The following SLC35F4 variants were observed in gnomAD, a reference collection of about 807,000 sequenced individuals.
SLC35F4 encodes the protein solute carrier family 35 member F4.
SLC35F4 carries 24 observed loss-of-function variants against 44.2 expected under a neutral mutation model. That is an observed-to-expected ratio of 0.54 (90% CI 0.39 to 0.76). SLC35F4 has a LOEUF of 0.76. Among genes scored for constraint, SLC35F4 ranks in the 30% least tolerant of loss-of-function variants. SLC35F4 has a pLI of 0.00. For missense variants in SLC35F4, 562 were observed against 586.1 expected, an observed-to-expected ratio of 0.96 and a Z score of 0.42; for synonymous variants, 238 against 223.6, an observed-to-expected ratio of 1.06 and a Z score of -0.57.
chr14:57,713,673 G>A (rs752482894), intron 1 of SLC35F4, among the ~76,000 whole-genome samples: 2 of 152,164 alleles, frequency 1.3e-5, no homozygotes, highest in Non-Finnish European at 2.9e-5. Flanking sequence ...GAAGGGTAAG[G>A]AGGTTTTCTT....
chr14:57,642,388 A>T (rs2073289285), intron 1 of SLC35F4, among the ~76,000 whole-genome samples: 1 of 152,162 alleles, frequency 6.6e-6, no homozygotes, highest in Non-Finnish European at 1.5e-5. Context: ...TTTCCACAAC[A>T]TTATAGTTAT....
At chr14:57,593,904 A>C in intron 2 of SLC35F4, 35 bp downstream of exon 2, 2 of 1,605,520 alleles carry the variant, frequency 1.2e-6, no homozygotes, top group Non-Finnish European at 1.7e-6. Context: ...GCTTACTAGG[A>C]TGTACCGTTA....
At chr14:57,763,428 T>C (rs1330313027) in intron 1 of SLC35F4, among the ~76,000 whole-genome samples, 1 of 152,158 alleles carries the variant, frequency 6.6e-6, no homozygotes, top group African/African-American at 2.4e-5. Flanking sequence ...GGCATAATAA[T>C]ACAGTGTTTA....
intron 1 of SLC35F4, among the ~76,000 whole-genome samples, chr14:57,761,459 T>A (rs1269269302): frequency 6.6e-6 from 1 of 152,184 alleles, no homozygotes; most frequent in African/African-American, 2.4e-5. Context: ...AAAGTCTACA[T>A]AATGAAGACT....
At chr14:57,857,437 T>C (rs564750094) in intron 1 of SLC35F4, among the ~76,000 whole-genome samples, 12 of 152,086 alleles carry the variant, frequency 7.9e-5, no homozygotes, top group Non-Finnish European at 1.6e-4. Flanking sequence ...GATTCATTCA[T>C]TGCTGGTATT....
chr14:57,588,048 T>C (rs2069893087), intron 3 of SLC35F4, among the ~76,000 whole-genome samples: 1 of 132,314 alleles, frequency 7.6e-6, no homozygotes, highest in Non-Finnish European at 1.7e-5. Context: ...TAGCCAGGCA[T>C]GGTGGCGGGC....
At chr14:57,920,450 G>T (rs1234363689) in intron 1 of SLC35F4, among the ~76,000 whole-genome samples, 1 of 152,146 alleles carries the variant, frequency 6.6e-6, no homozygotes, top group Non-Finnish European at 1.5e-5. Flanking sequence ...ACATGCCCCT[G>T]TAGTCCTAGC....
intron 1 of SLC35F4, among the ~76,000 whole-genome samples, chr14:57,628,077 A>G (rs1362833131): frequency 6.6e-6 from 1 of 152,094 alleles, no homozygotes; most frequent in Non-Finnish European, 1.5e-5. Context: ...CTTTCTTTAT[A>G]TCATTTCCTT....
At chr14:57,742,881 C>T (rs550490599) in intron 1 of SLC35F4, among the ~76,000 whole-genome samples, 1 of 152,314 alleles carries the variant, frequency 6.6e-6, no homozygotes, top group South Asian at 2.1e-4. Flanking sequence ...GTCTCTCAGA[C>T]CACAGTGCAA....
intron 1 of SLC35F4, among the ~76,000 whole-genome samples, chr14:57,683,740 C>T (rs1047273627): frequency 2.6e-5 from 4 of 152,190 alleles, no homozygotes; most frequent in African/African-American, 7.2e-5. Flanking sequence ...AGCCTAAATA[C>T]TTGATTCAGC....
At chr14:57,909,872 T>C (rs1039196618) in intron 1 of SLC35F4, among the ~76,000 whole-genome samples, 3 of 152,136 alleles carry the variant, frequency 2.0e-5, no homozygotes, top group Non-Finnish European at 4.4e-5. Context: ...TAAGAGTATT[T>C]TTAATTTTGT....
chr14:57,825,403 CT>C (rs2140921319), intron 1 of SLC35F4, among the ~76,000 whole-genome samples: 1 of 152,142 alleles, frequency 6.6e-6, no homozygotes, highest in South Asian at 2.1e-4. Flanking sequence ...AACAGGATAC[CT>C]TGAGTCTGTT....
At chr14:57,804,882 T>C (rs1270854458) in intron 1 of SLC35F4, among the ~76,000 whole-genome samples, 1 of 152,136 alleles carries the variant, frequency 6.6e-6, no homozygotes, top group African/African-American at 2.4e-5. Context: ...CACAAAGGTC[T>C]AATATCCAGA....
At chr14:57,704,689 A>G (rs1054592331) in intron 1 of SLC35F4, among the ~76,000 whole-genome samples, 1 of 152,132 alleles carries the variant, frequency 6.6e-6, no homozygotes, top group Non-Finnish European at 1.5e-5. Flanking sequence ...AGTAGCTAAG[A>G]TATACTCTCC....
intron 1 of SLC35F4, among the ~76,000 whole-genome samples, chr14:57,724,187 C>T (rs1427784736): frequency 6.6e-6 from 1 of 152,160 alleles, no homozygotes; most frequent in African/African-American, 2.4e-5. Flanking sequence ...TGCAACAGGT[C>T]CAGGCTGCTG....
intron 1 of SLC35F4, among the ~76,000 whole-genome samples, chr14:57,810,414 T>G (rs961711644): frequency 6.6e-6 from 1 of 152,238 alleles, no homozygotes; most frequent in Non-Finnish European, 1.5e-5. Context: ...CCTGTGGATT[T>G]TCATAATTTT....
intron 1 of SLC35F4, among the ~76,000 whole-genome samples, chr14:57,610,799 T>A (rs944704252): frequency 6.6e-6 from 1 of 152,180 alleles, no homozygotes; most frequent in Admixed American, 6.5e-5. Flanking sequence ...ATTTACTGAG[T>A]ATCTCCTATG....
intron 1 of SLC35F4, among the ~76,000 whole-genome samples, chr14:57,853,528 G>A (rs929566335): frequency 1.3e-5 from 2 of 152,084 alleles, no homozygotes; most frequent in East Asian, 1.9e-4. Context: ...GCTCCAAACC[G>A]CCACCATCAA....
chr14:57,671,021 C>T (rs1199519547), intron 1 of SLC35F4, among the ~76,000 whole-genome samples: 6 of 151,396 alleles, frequency 4.0e-5, no homozygotes, highest in Non-Finnish European at 8.8e-5. Context: ...TATCCTGCCT[C>T]AGCCTCCTGA....
Sources: gnomAD v4.1 joint callset for allele counts (sites outside exome capture counted in the v4.1 genomes callset) on GRCh38, gnomAD v4.1.1 for gene constraint, MANE v1.5 for transcripts, NCBI Gene and HGNC (gene_info 2026-07-23, HGNC 2026-07-21) for gene names.